Variants in TSHZ2 observed in about 807,000 individuals in gnomAD.
The protein encoded by TSHZ2 is teashirt homolog 2.
In TSHZ2, 21 loss-of-function variants were observed where a neutral mutation model predicts 74.4. That is an observed-to-expected ratio of 0.28 (90% confidence interval 0.20 to 0.41). The LOEUF is 0.41. TSHZ2 is among the 10% of genes least tolerant of loss of function. TSHZ2 has a pLI of 1.00. For missense variants in TSHZ2, 1,244 were observed against 1,293.5 expected (o/e 0.96, Z 0.59); for synonymous variants, 540 against 515.3 (o/e 1.05, Z -0.65).
At position 53,365,619 on chromosome 20, in the gene TSHZ2, C is replaced by T. The variant is rs117332225; in HGVS notation, c.*8+109048C>T. Among the ~76,000 whole-genome samples, 66 of 152,266 alleles carry T rather than the reference C, an allele frequency of 4.3e-4. 1 individual carries two copies. In the East Asian group the frequency reaches 0.012, roughly 28 times the overall value. On this transcript the variant is annotated intron_variant, in intron 2 of 2. Coordinates refer to ENST00000371497, the MANE Select transcript of TSHZ2 (RefSeq NM_173485.6). ...CTGACAAAGCAAAGGTGTGGTCCCC[C>T]ACCTCAGGTGACAGGCAGTGGTCAT...
chr20:53,426,714 A>G (rs1316273709), intron 2 of TSHZ2, among the ~76,000 whole-genome samples: 1 of 152,226 alleles, frequency 6.6e-6, no homozygotes, highest in Admixed American at 6.5e-5. Context: ...AAGTTCAATG[A>G]TGGATCAAAA....
At chr20:52,983,659 A>G (rs997222622) in intron 1 of TSHZ2, among the ~76,000 whole-genome samples, 3 of 152,264 alleles carry the variant, frequency 2.0e-5, no homozygotes, top group African/African-American at 7.2e-5. Context: ...AATGACCAAA[A>G]GACGATGATT....
intron 2 of TSHZ2, among the ~76,000 whole-genome samples, chr20:53,341,954 AC>A (rs1343656796): frequency 6.6e-6 from 1 of 152,036 alleles, no homozygotes; most frequent in Non-Finnish European, 1.5e-5. Flanking sequence ...CAGTTGATCC[AC>A]CCACCTCGGC....
chr20:53,122,332 C>T (rs2123354768), intron 1 of TSHZ2, among the ~76,000 whole-genome samples: 1 of 151,650 alleles, frequency 6.6e-6, no homozygotes, highest in East Asian at 1.9e-4. Flanking sequence ...CAATGATTTC[C>T]TCTATCATCA....
chr20:53,331,040 C>G (rs1979702455), intron 2 of TSHZ2, among the ~76,000 whole-genome samples: 1 of 152,166 alleles, frequency 6.6e-6, no homozygotes, highest in Non-Finnish European at 1.5e-5. Context: ...ATATTATAAC[C>G]AACTGGTTAT....
At chr20:53,259,636 G>C (rs986652906) in intron 2 of TSHZ2, among the ~76,000 whole-genome samples, 67 of 152,202 alleles carry the variant, frequency 4.4e-4, no homozygotes, top group African/African-American at 1.6e-3. Context: ...AGTCCAATGA[G>C]CTGCCACTTC....
intron 1 of TSHZ2, among the ~76,000 whole-genome samples, chr20:52,997,446 T>C (rs1452691053): frequency 6.6e-6 from 1 of 152,208 alleles, no homozygotes; most frequent in African/African-American, 2.4e-5. Flanking sequence ...CCTTTAATGA[T>C]TGAATATGAG....
intron 2 of TSHZ2, among the ~76,000 whole-genome samples, chr20:53,430,171 G>T (rs1983788785): frequency 6.6e-6 from 1 of 152,020 alleles, no homozygotes; most frequent in Non-Finnish European, 1.5e-5. Context: ...GTGGCCCTGT[G>T]TTGGCTCACT....
chr20:53,225,693 T>TA (rs1012644376), intron 1 of TSHZ2, among the ~76,000 whole-genome samples: 12 of 152,354 alleles, frequency 7.9e-5, no homozygotes, highest in African/African-American at 2.9e-4. Context: ...GCAGTTTTCC[T>TA]AAAATCACAC....
At chr20:53,100,172 G>C (rs1986175828) in intron 1 of TSHZ2, among the ~76,000 whole-genome samples, 1 of 152,152 alleles carries the variant, frequency 6.6e-6, no homozygotes. Context: ...ATCCCACAGA[G>C]AGTAAAAGAT....
chr20:53,330,414 C>T (rs1405856597), intron 2 of TSHZ2, among the ~76,000 whole-genome samples: 3 of 152,054 alleles, frequency 2.0e-5, no homozygotes, highest in East Asian at 1.9e-4. Context: ...ATGCCTTTAA[C>T]GTTAAGAGTG....
intron 2 of TSHZ2, among the ~76,000 whole-genome samples, chr20:53,483,304 T>C (rs1986207330): frequency 1.3e-5 from 2 of 152,038 alleles, no homozygotes; most frequent in African/African-American, 4.8e-5. Flanking sequence ...TGTCCCAGCT[T>C]TTCAGGAGGC....
At chr20:53,330,401 A>G (rs905165138) in intron 2 of TSHZ2, among the ~76,000 whole-genome samples, 10 of 152,240 alleles carry the variant, frequency 6.6e-5, no homozygotes, top group Admixed American at 2.6e-4. Flanking sequence ...GGTATGAAAT[A>G]CAATGCCTTT....
chr20:53,357,783 G>A (rs1980900453), intron 2 of TSHZ2, among the ~76,000 whole-genome samples: 1 of 152,138 alleles, frequency 6.6e-6, no homozygotes, highest in Non-Finnish European at 1.5e-5. Context: ...GAAGTCCCTA[G>A]ATCTTTGAGC....
intron 1 of TSHZ2, among the ~76,000 whole-genome samples, chr20:53,234,490 T>A (rs1222839009): frequency 6.6e-6 from 1 of 152,118 alleles, no homozygotes; most frequent in African/African-American, 2.4e-5. Context: ...AGAAGTAAAT[T>A]CTGTAGTAAG....
chr20:53,208,673 C>T (rs545328677), intron 1 of TSHZ2: 5 of 152,320 alleles, frequency 3.3e-5, no homozygotes, highest in African/African-American at 1.2e-4. Flanking sequence ...GTTGGAATTG[C>T]TGTTCTCCTC....
chr20:53,247,447 G>C (rs758869254), intron 1 of TSHZ2, among the ~76,000 whole-genome samples: 14 of 152,132 alleles, frequency 9.2e-5, no homozygotes, highest in Non-Finnish European at 1.6e-4. Flanking sequence ...CTCCAGGCCT[G>C]GCTACCCTTG....
intron 1 of TSHZ2, among the ~76,000 whole-genome samples, chr20:53,006,431 C>T (rs6013598): frequency 6.6e-6 from 1 of 152,194 alleles, no homozygotes; most frequent in African/African-American, 2.4e-5. Flanking sequence ...CTCATGTATC[C>T]TTAGATGCCT....
At chr20:53,246,195 C>T (rs538095793) in intron 1 of TSHZ2, among the ~76,000 whole-genome samples, 4 of 151,988 alleles carry the variant, frequency 2.6e-5, no homozygotes, top group Non-Finnish European at 5.9e-5. Flanking sequence ...GCATGCACCA[C>T]CACACCCAGC....
Sources: gnomAD v4.1 joint callset for allele counts (sites outside exome capture counted in the v4.1 genomes callset) on GRCh38, gnomAD v4.1.1 for gene constraint, MANE v1.5 for transcripts, NCBI Gene and HGNC (gene_info 2026-07-23, HGNC 2026-07-21) for gene names.